LRRC3B: variants seen among roughly 807,000 people sequenced by gnomAD.
LRRC3B encodes the protein leucine rich repeat containing 3B, also known as leucine-rich repeat-containing protein 3B.
LRRC3B carries 2 observed loss-of-function variants against 12.8 expected under a neutral mutation model. The observed-to-expected ratio is 0.16, with a 90% CI of 0.06 to 0.49. The LOEUF is 0.49. LRRC3B is among the 20% of genes least tolerant of loss of function. LRRC3B has a pLI of 0.96. For synonymous variants in LRRC3B, 132 were observed against 122.0 expected (o/e 1.08, Z -0.54); for missense variants, 189 against 319.4 (o/e 0.59, Z 3.11).
At chr3:26,640,270 A>T in intron 1 of LRRC3B, among the ~76,000 whole-genome samples, 1 of 152,094 alleles carries the variant, frequency 6.6e-6, no homozygotes, top group Admixed American at 6.5e-5. Flanking sequence ...TTTTCGTGAG[A>T]TCACCCTGTG....
At chr3:26,637,037 C>T (rs112276562) in intron 1 of LRRC3B, among the ~76,000 whole-genome samples, 5,193 of 139,186 alleles carry the variant, frequency 0.037, 639 homozygotes, top group African/African-American at 0.13. Context: ...CTAACTGTCA[C>T]CCAGGCTGGA....
intron 1 of LRRC3B, among the ~76,000 whole-genome samples, chr3:26,651,917 G>C (rs1269509379): frequency 6.6e-6 from 1 of 152,150 alleles, no homozygotes; most frequent in Non-Finnish European, 1.5e-5. Flanking sequence ...GGATTCTCAA[G>C]AATAGCCACT....
At chr3:26,686,657 T>A (rs1402290608) in intron 1 of LRRC3B, among the ~76,000 whole-genome samples, 1 of 152,192 alleles carries the variant, frequency 6.6e-6, no homozygotes, top group East Asian at 1.9e-4. Context: ...CAAAGATTAG[T>A]GACTATTAAC....
chr3:26,696,193 C>G (rs1028278933), intron 1 of LRRC3B, among the ~76,000 whole-genome samples: 1 of 151,998 alleles, frequency 6.6e-6, no homozygotes, highest in Admixed American at 6.6e-5. Flanking sequence ...AATTTACAAC[C>G]CTGAAAAAGA....
chr3:26,708,377 G>A (rs1253178310), intron 1 of LRRC3B, among the ~76,000 whole-genome samples: 1 of 152,194 alleles, frequency 6.6e-6, no homozygotes, highest in Non-Finnish European at 1.5e-5. Flanking sequence ...AGCAATACTT[G>A]CTGGATACTT....
At chr3:26,683,829 T>C (rs2125443362) in intron 1 of LRRC3B, among the ~76,000 whole-genome samples, 1 of 152,320 alleles carries the variant, frequency 6.6e-6, no homozygotes, top group South Asian at 2.1e-4. Context: ...TTTCCTGAGA[T>C]ATCTGCAGCG....
chr3:26,659,686 CA>C (rs201710787), intron 1 of LRRC3B, among the ~76,000 whole-genome samples: 3 of 151,614 alleles, frequency 2.0e-5, no homozygotes, highest in Admixed American at 6.6e-5. Context: ...AAAAACAATA[CA>C]AAAAAAACCC....
chr3:26,673,673 A>C (rs1412380882), intron 1 of LRRC3B, among the ~76,000 whole-genome samples: 1 of 152,166 alleles, frequency 6.6e-6, no homozygotes, highest in Non-Finnish European at 1.5e-5. Flanking sequence ...TAGGTCTCTA[A>C]GCTGCTCTGC....
intron 1 of LRRC3B, among the ~76,000 whole-genome samples, chr3:26,684,181 G>T (rs996375883): frequency 6.6e-6 from 1 of 152,168 alleles, no homozygotes; most frequent in Non-Finnish European, 1.5e-5. Context: ...CCCTCTCTGT[G>T]CTTTCACAAA....
rs752250087 is a variant in LRRC3B at position 26,710,246 on chromosome 3, G to A, written c.574G>A (p.Ala192Thr). 1.2e-6 allele frequency: 2 copies of A among 1,613,662 alleles called. No individual in the cohort carries two copies. Among genetic ancestry groups the A allele is most frequent in the Non-Finnish European group, 1.7e-6 (2 of 1,179,842 alleles). Residue 192 changes from alanine to threonine, a missense_variant, in exon 2 of 2, where the codon GCT becomes ACT. Coordinates refer to ENST00000396641, the Ensembl canonical transcript of LRRC3B. ...ACCATTCCTCAATGCTGCCAACGAC[G>A]CTGACCTTTGTAACCTCCCTAAAAA...
rs773929815 is a variant in LRRC3B at position 26,671,369 on chromosome 3, T to TAGAGAG, written c.-160-38143_-160-38142insGAGAGA. Among the ~76,000 whole-genome samples the TAGAGAG allele has an allele frequency of 3.4e-3, 130 of 38,184 alleles. 3 individuals are homozygous for TAGAGAG. The East Asian group carries it at 0.038, about 11-fold the overall frequency. The allele number at this position is 38,184 out of a possible 152,430, so 25.1% of individuals were successfully genotyped here. A position where few individuals can be genotyped will look rare whatever the true frequency, so the allele number is the denominator to read the frequency against. On this transcript the variant is annotated intron_variant, in intron 1 of 1. Transcript: ENST00000396641. ...ATGTGTGTATATATATATATATATA[T>TAGAGAG]ATATAGAGAGAGAGAGAGAGAGAGA...
exon 1 of LRRC3B, chr3:26,622,948 G>A (rs1325480362): frequency 6.6e-6 from 1 of 151,622 alleles, no homozygotes; most frequent in Non-Finnish European, 1.5e-5. Context: ...TGCCCCGCAC[G>A]GCCGCCCGGG....
chr3:26,631,629 A>G (rs987556375), intron 1 of LRRC3B, among the ~76,000 whole-genome samples: 2 of 152,176 alleles, frequency 1.3e-5, no homozygotes, highest in African/African-American at 2.4e-5. Flanking sequence ...TGTTTGTTCT[A>G]TTTGATGAAA....
intron 1 of LRRC3B, among the ~76,000 whole-genome samples, chr3:26,643,478 C>T (rs1352472974): frequency 6.6e-6 from 1 of 152,086 alleles, no homozygotes; most frequent in Non-Finnish European, 1.5e-5. Flanking sequence ...CTGGCCTGGG[C>T]ATTTAGAGTC....
At chr3:26,634,609 G>C (rs956778112) in intron 1 of LRRC3B, among the ~76,000 whole-genome samples, 1 of 152,156 alleles carries the variant, frequency 6.6e-6, no homozygotes, top group South Asian at 2.1e-4. Flanking sequence ...CCTTGAGATG[G>C]GGGGAGGATT....
intron 1 of LRRC3B, among the ~76,000 whole-genome samples, chr3:26,681,328 T>C (rs1699966061): frequency 6.6e-6 from 1 of 152,176 alleles, no homozygotes; most frequent in Admixed American, 6.5e-5. Flanking sequence ...ATTTGAAAAC[T>C]AAGGCTAAAT....
intron 1 of LRRC3B, among the ~76,000 whole-genome samples, chr3:26,696,392 C>T (rs1700318096): frequency 6.6e-6 from 1 of 152,138 alleles, no homozygotes; most frequent in East Asian, 1.9e-4. Flanking sequence ...AGGGGCTAAT[C>T]TCTGTGGATG....
intron 1 of LRRC3B, among the ~76,000 whole-genome samples, chr3:26,691,783 T>G (rs1029046743): frequency 2.6e-5 from 4 of 151,932 alleles, no homozygotes; most frequent in Non-Finnish European, 5.9e-5. Flanking sequence ...GGAAGCCTTT[T>G]GCAGACATAA....
intron 1 of LRRC3B, among the ~76,000 whole-genome samples, chr3:26,636,840 GCCTCCCTCCCTCCCTC>G (rs1301182993): frequency 2.6e-4 from 11 of 43,112 alleles, no homozygotes; most frequent in African/African-American, 3.1e-4. Context: ...CTCCCTCCCT[GCCTCCCTCCCTCCCTC>G]CCTCCCTCCC....
Sources: allele counts gnomAD v4.1 joint callset (sites outside exome capture counted in the v4.1 genomes callset), GRCh38; gene constraint gnomAD v4.1.1; transcripts MANE v1.5; gene names NCBI Gene and HGNC (gene_info 2026-07-23, HGNC 2026-07-21).